Variants in GLIS3 observed in about 807,000 individuals in gnomAD.
GLIS3 encodes zinc finger protein GLIS3.
A neutral mutation model predicts 78.6 loss-of-function variants in GLIS3; 53 were observed. The observed-to-expected ratio is 0.67, with a 90% CI of 0.54 to 0.85. GLIS3 has a LOEUF of 0.85. Among genes scored for constraint, GLIS3 ranks in the 40% least tolerant of loss-of-function variants. The pLI, the probability that GLIS3 is intolerant of heterozygous loss-of-function variation, is 0.00. For synonymous variants in GLIS3, 684 were observed against 509.9 expected, an observed-to-expected ratio of 1.34 and a Z score of -4.60; for missense variants, 1,703 against 1,231.1, an observed-to-expected ratio of 1.38 and a Z score of -5.74.
In GLIS3 at chr9:4,024,926, C is replaced by G. The variant is rs150026075; in HGVS notation, c.1711-87737G>C. 2.5e-3 allele frequency among the ~76,000 whole-genome samples: 382 copies of G among 152,268 alleles called. 1 individual carries two copies. The highest frequency in any genetic ancestry group is 7.9e-3 in the African/African-American group (330 of 41,554). Reference sequence around the variant, plus strand: ...GCCTGTCGTGTTCATCACTCGATCCCTAGCACTTAAGCACAGTGAGGAGTA... The same window carrying G: ...GCCTGTCGTGTTCATCACTCGATCCGTAGCACTTAAGCACAGTGAGGAGTA... On this transcript the variant is annotated intron_variant, in intron 4 of 10. Coordinates refer to ENST00000381971, the MANE Select transcript of GLIS3 (RefSeq NM_001042413.2).
At chr9:3,880,309 C>G (rs186359826) in intron 7 of GLIS3, among the ~76,000 whole-genome samples, 1 of 152,140 alleles carries the variant, frequency 6.6e-6, no homozygotes, top group African/African-American at 2.4e-5. Context: ...GCCTAGCCTT[C>G]GAGAACGGTA....
intron 4 of GLIS3, among the ~76,000 whole-genome samples, chr9:3,985,910 T>C (rs1819707298): frequency 6.6e-6 from 1 of 152,218 alleles, no homozygotes; most frequent in Non-Finnish European, 1.5e-5. Flanking sequence ...TGTATAATAT[T>C]GCTAATCTAT....
Position 4,314,608 on chromosome 9 carries a change from G to A in GLIS3, n.265-4080C>T, listed in dbSNP as rs546210167. 2.0e-4 allele frequency among the ~76,000 whole-genome samples: 31 copies of A among 152,310 alleles called. 1 individual carries two copies. Among genetic ancestry groups the A allele is most frequent in the East Asian group, 3.9e-4 (2 of 5,188 alleles). Reference sequence around the variant, plus strand: ...CTCTACTAAGAAAAGAGACAGCTACGGAATCTTTCATATCTTCTCTAGTTC... The same window carrying A: ...CTCTACTAAGAAAAGAGACAGCTACAGAATCTTTCATATCTTCTCTAGTTC... On this transcript the variant is annotated intron_variant and non_coding_transcript_variant, in intron 2 of 4. Coordinates refer to the GLIS3 transcript ENST00000471664.
the GLIS3 span, among the ~76,000 whole-genome samples, chr9:4,356,680 CTGCT>C: frequency 1.3e-5 from 2 of 152,214 alleles, no homozygotes; most frequent in East Asian, 1.9e-4. Context: ...TGATCAAAGA[CTGCT>C]TGTTTCATTT....
the GLIS3 span, among the ~76,000 whole-genome samples, chr9:4,440,071 C>T: frequency 1.3e-5 from 2 of 152,236 alleles, no homozygotes; most frequent in African/African-American, 2.4e-5. Context: ...GTTTGAGTTC[C>T]TTTTATATTT....
intron 4 of GLIS3, among the ~76,000 whole-genome samples, chr9:4,013,893 G>C (rs1822234516): frequency 1.3e-5 from 2 of 152,146 alleles, no homozygotes; most frequent in Admixed American, 1.3e-4. Flanking sequence ...ATTGAGAGAG[G>C]CTAGGCCCTT....
At chr9:4,015,888 CAAAAAAAA>C (rs1049791263) in intron 4 of GLIS3, among the ~76,000 whole-genome samples, 175 of 32,246 alleles carry the variant, frequency 5.4e-3, no homozygotes, top group African/African-American at 0.017. Context: ...GACTCTGTCT[CAAAAAAAA>C]AAAAAAAAAA....
chr9:4,072,822 A>G lies in GLIS3; in HGVS notation c.1710+44946T>C, dbSNP rs149967123. Among the ~76,000 whole-genome samples the G allele has an allele frequency of 5.3e-3, 801 of 152,252 alleles. 7 individuals are homozygous for G. Among genetic ancestry groups the G allele is most frequent in the African/African-American group, 0.018 (763 of 41,540 alleles). ...TCTTCTATATAAGTAGAATGAATTT[A>G]AAAAGAGAACCTTGTAATACACATG... On this transcript the variant is annotated intron_variant, in intron 4 of 10. Coordinates refer to ENST00000381971, the MANE Select transcript of GLIS3 (RefSeq NM_001042413.2).
Position 4,005,311 on chromosome 9 carries a change from G to A in GLIS3, c.1711-68122C>T, listed in dbSNP as rs145373745. On this transcript the variant is annotated intron_variant, in intron 4 of 10. Transcript: ENST00000381971. ...AACTTAACCTGTTGTTAGACAATAAGAGTATGTCCTGCCATTCATTCATTC... is the reference window on the plus strand; with the variant it reads ...AACTTAACCTGTTGTTAGACAATAAAAGTATGTCCTGCCATTCATTCATTC... 8.0e-4 allele frequency among the ~76,000 whole-genome samples: 122 copies of A among 152,324 alleles called. 2 individuals are homozygous for A. The East Asian group carries it at 0.017, about 21-fold the overall frequency.
At chr9:4,157,539 G>A (rs55888385) in intron 2 of GLIS3, among the ~76,000 whole-genome samples, 1 of 152,132 alleles carries the variant, frequency 6.6e-6, no homozygotes. Flanking sequence ...ATCATTCAAT[G>A]AAAGAGCATA....
intron 4 of GLIS3, among the ~76,000 whole-genome samples, chr9:4,047,959 T>C (rs975638269): frequency 6.6e-6 from 1 of 152,198 alleles, no homozygotes; most frequent in African/African-American, 2.4e-5. Flanking sequence ...AGGAGGTCTT[T>C]GTTCTCTGGT....
At chr9:4,191,594 A>T (rs1818336759) in intron 2 of GLIS3, among the ~76,000 whole-genome samples, 2 of 152,268 alleles carry the variant, frequency 1.3e-5, no homozygotes, top group South Asian at 2.1e-4. Flanking sequence ...ACTTCCTTTC[A>T]TTCTTATTAA....
chr9:4,228,387 G>A (rs138869667), intron 2 of GLIS3, among the ~76,000 whole-genome samples: 2 of 152,250 alleles, frequency 1.3e-5, no homozygotes, highest in East Asian at 3.9e-4. Context: ...AGCTCTGAGA[G>A]TACATAACCC....
At chr9:3,932,037 A>G (rs888167998) in intron 6 of GLIS3, among the ~76,000 whole-genome samples, 2 of 152,196 alleles carry the variant, frequency 1.3e-5, no homozygotes, top group Non-Finnish European at 2.9e-5. Context: ...CTTAACTTCT[A>G]TAAAAGCTTT....
At chr9:4,184,906 G>C (rs888919458) in intron 2 of GLIS3, among the ~76,000 whole-genome samples, 7 of 152,116 alleles carry the variant, frequency 4.6e-5, no homozygotes, top group African/African-American at 9.7e-5. Context: ...TTACATTACA[G>C]CCACAGTTGC....
chr9:4,480,366 G>T, the GLIS3 span, among the ~76,000 whole-genome samples: 1 of 151,948 alleles, frequency 6.6e-6, no homozygotes, highest in East Asian at 1.9e-4. Flanking sequence ...CATCACACCT[G>T]TCTAACTTTA....
intron 4 of GLIS3, among the ~76,000 whole-genome samples, chr9:4,090,641 A>G (rs531614251): frequency 6.6e-6 from 1 of 152,266 alleles, no homozygotes; most frequent in African/African-American, 2.4e-5. Context: ...GGAATCAGAC[A>G]GGTTTAGGCT....
intron 2 of GLIS3, among the ~76,000 whole-genome samples, chr9:4,342,453 A>G (rs1473351683): frequency 6.6e-6 from 1 of 152,100 alleles, no homozygotes; most frequent in African/African-American, 2.4e-5. Context: ...CCATTGGTCT[A>G]TGTGTCTGTG....
chr9:4,091,991 G>A (rs530031786), intron 4 of GLIS3, among the ~76,000 whole-genome samples: 1 of 152,204 alleles, frequency 6.6e-6, no homozygotes, highest in East Asian at 1.9e-4. Flanking sequence ...TGTGGGACTG[G>A]AAGTTGTTCT....
Sources: gnomAD v4.1 joint callset for allele counts (sites outside exome capture counted in the v4.1 genomes callset) on GRCh38, gnomAD v4.1.1 for gene constraint, MANE v1.5 for transcripts, NCBI Gene and HGNC (gene_info 2026-07-23, HGNC 2026-07-21) for gene names.